The following CDH12 variants were observed in gnomAD, a reference collection of about 807,000 sequenced individuals.
CDH12 encodes the protein cadherin 12.
In CDH12, 41 loss-of-function variants were observed where a neutral mutation model predicts 74.1. The ratio of observed to expected loss-of-function variants is 0.55; its 90% CI spans 0.43 to 0.72. The LOEUF is 0.72. Among genes scored for constraint, CDH12 ranks in the 30% least tolerant of loss-of-function variants. CDH12 has a pLI of 0.00. For synonymous variants in CDH12, 399 were observed against 355.0 expected (o/e 1.12, Z -1.39); for missense variants, 945 against 977.2 (o/e 0.97, Z 0.44).
chr5:22,155,298 T>C (rs1747952703), intron 4 of CDH12, among the ~76,000 whole-genome samples: 1 of 152,130 alleles, frequency 6.6e-6, no homozygotes, highest in African/African-American at 2.4e-5. Context: ...GCGAAACTAT[T>C]GCTGGAGGGG....
intron 3 of CDH12, among the ~76,000 whole-genome samples, chr5:22,233,979 T>C (rs1752477631): frequency 6.6e-6 from 1 of 152,144 alleles, no homozygotes; most frequent in African/African-American, 2.4e-5. Context: ...TTTGAATTAG[T>C]TTATATAAAA....
intron 1 of CDH12, among the ~76,000 whole-genome samples, chr5:22,540,237 TTATA>T (rs1204677983): frequency 6.6e-6 from 1 of 152,044 alleles, no homozygotes; most frequent in Non-Finnish European, 1.5e-5. Context: ...ATATGCATAT[TTATA>T]TATATAAAGA....
intron 5 of CDH12, among the ~76,000 whole-genome samples, chr5:22,000,807 C>A (rs553933328): frequency 5.3e-5 from 8 of 152,116 alleles, no homozygotes; most frequent in African/African-American, 1.4e-4. Flanking sequence ...TATTCTTCAG[C>A]TGCAAAAGGG....
At chr5:22,428,224 C>T (rs1381087812) in intron 2 of CDH12, among the ~76,000 whole-genome samples, 5 of 150,112 alleles carry the variant, frequency 3.3e-5, no homozygotes, top group Admixed American at 3.3e-4. Flanking sequence ...CACACACACA[C>T]ACACACAATC....
chr5:22,507,933 T>C (rs1433194956), intron 1 of CDH12, among the ~76,000 whole-genome samples: 1 of 152,176 alleles, frequency 6.6e-6, no homozygotes, highest in East Asian at 1.9e-4. Context: ...TGTGGCCACT[T>C]TCAGTATTCA....
At chr5:22,226,596 G>A (rs1045542305) in intron 3 of CDH12, among the ~76,000 whole-genome samples, 1 of 152,080 alleles carries the variant, frequency 6.6e-6, no homozygotes, top group Non-Finnish European at 1.5e-5. Context: ...CTAGAGCTCT[G>A]ACTTCAATAT....
chr5:22,786,652 T>C (rs961403444), intron 1 of CDH12, among the ~76,000 whole-genome samples: 1 of 152,112 alleles, frequency 6.6e-6, no homozygotes, highest in Non-Finnish European at 1.5e-5. Context: ...ATTTGTGTAA[T>C]GGGGAAGGGG....
rs539003943 is a variant in CDH12 at position 22,609,120 on chromosome 5, C to T, written c.-522-103756G>A. Among the ~76,000 whole-genome samples the T allele has an allele frequency of 6.6e-5, 10 of 152,194 alleles. No individual in the cohort carries two copies. The East Asian group carries it at 1.7e-3, about 27-fold the overall frequency. ...TGGGTGACCCCCTATTTTGAGAATG[C>T]ATCCATCTACCCTTTACTTTCTCCA... is the stretch of plus-strand genomic sequence containing the variant. On this transcript the variant is annotated intron_variant, in intron 1 of 14. Coordinates refer to ENST00000382254, the MANE Select transcript of CDH12 (RefSeq NM_004061.5).
At chr5:22,190,358 G>GTATCTA (rs1245650691) in intron 4 of CDH12, among the ~76,000 whole-genome samples, 2 of 119,776 alleles carry the variant, frequency 1.7e-5, no homozygotes, top group African/African-American at 5.9e-5. Context: ...CTGTCTGTCT[G>GTATCTA]TCTATCTATC....
intron 1 of CDH12, among the ~76,000 whole-genome samples, chr5:22,697,898 T>A (rs1580898583): frequency 2.0e-5 from 3 of 151,758 alleles, no homozygotes; most frequent in African/African-American, 7.3e-5. Flanking sequence ...ACACATGGAG[T>A]AGGTGGCTGT....
chr5:21,923,837 C>T (rs1338058161), intron 6 of CDH12, among the ~76,000 whole-genome samples: 2 of 152,086 alleles, frequency 1.3e-5, no homozygotes, highest in African/African-American at 2.4e-5. Flanking sequence ...ACTTTAGATC[C>T]GTTTTTTAAA....
intron 3 of CDH12, among the ~76,000 whole-genome samples, chr5:22,330,190 C>T (rs1408064336): frequency 6.6e-6 from 1 of 152,140 alleles, no homozygotes; most frequent in East Asian, 1.9e-4. Flanking sequence ...GGGCACCAGG[C>T]AGAGTAATGA....
At chr5:22,016,941 C>T (rs1737647224) in intron 5 of CDH12, among the ~76,000 whole-genome samples, 1 of 152,078 alleles carries the variant, frequency 6.6e-6, no homozygotes, top group African/African-American at 2.4e-5. Context: ...TATACTCCTT[C>T]TGTCACAGCT....
intron 1 of CDH12, among the ~76,000 whole-genome samples, chr5:22,612,364 C>T (rs1370199085): frequency 1.3e-5 from 2 of 152,062 alleles, no homozygotes; most frequent in Non-Finnish European, 2.9e-5. Flanking sequence ...TTTGGAAACA[C>T]TGTTTATCTT....
intron 1 of CDH12, among the ~76,000 whole-genome samples, chr5:22,587,669 C>T (rs1049410063): frequency 6.6e-6 from 1 of 152,054 alleles, no homozygotes; most frequent in Non-Finnish European, 1.5e-5. Context: ...CTACACATAC[C>T]TTTATAACAA....
intron 3 of CDH12, among the ~76,000 whole-genome samples, chr5:22,288,661 G>A (rs1038069218): frequency 1.8e-4 from 28 of 152,134 alleles, no homozygotes; most frequent in African/African-American, 6.5e-4. Context: ...TAGACAAGAG[G>A]TATATGCTGA....
At chr5:22,168,125 T>A (rs1206653210) in intron 4 of CDH12, among the ~76,000 whole-genome samples, 1 of 152,160 alleles carries the variant, frequency 6.6e-6, no homozygotes, top group Non-Finnish European at 1.5e-5. Flanking sequence ...TTCACTGTAG[T>A]TCTGTACCGA....
chr5:21,993,163 G>A (rs1736053680), intron 5 of CDH12, among the ~76,000 whole-genome samples: 1 of 152,082 alleles, frequency 6.6e-6, no homozygotes. Flanking sequence ...GGTGGACATA[G>A]AGCCAAACCA....
intron 4 of CDH12, among the ~76,000 whole-genome samples, chr5:22,194,308 C>CTTTTTTTTTTTTTTTTTTTTT (rs59899245): frequency 2.1e-5 from 3 of 139,868 alleles, no homozygotes; most frequent in East Asian, 2.2e-4. Context: ...CTTTTTCTTT[C>CTTTTTTTTTTTTTTTTTTTTT]TTTTTTTTTT....
Sources: allele counts gnomAD v4.1 joint callset (sites outside exome capture counted in the v4.1 genomes callset), GRCh38; gene constraint gnomAD v4.1.1; transcripts MANE v1.5; gene names NCBI Gene and HGNC (gene_info 2026-07-23, HGNC 2026-07-21).